The following TMED3 variants were observed in gnomAD, a reference collection of about 807,000 sequenced individuals.
TMED3 encodes the protein transmembrane p24 trafficking protein 3, also known as transmembrane emp24 domain-containing protein 3.
Under a neutral mutation model 15.0 loss-of-function variants are expected in TMED3, and 9 were observed. The ratio of observed to expected loss-of-function variants is 0.60; its 90% confidence interval spans 0.36 to 1.04. The LOEUF (loss-of-function observed/expected upper bound fraction) is 1.04, where lower values mean the gene tolerates loss of function less well. TMED3 is among the 50% of genes least tolerant of loss of function. The probability of loss-of-function intolerance (pLI) is 0.01; values close to 1 mark genes in which losing one functional copy is unlikely to be tolerated. For synonymous variants in TMED3, 117 were observed against 121.4 expected (o/e 0.96, Z 0.24); for missense variants, 267 against 278.9 (o/e 0.96, Z 0.30).
At chr15:79,340,674 CATT>C (rs2058848470) in intron 2 of TMED3, among the ~76,000 whole-genome samples, 1 of 152,184 alleles carries the variant, frequency 6.6e-6, no homozygotes, top group Non-Finnish European at 1.5e-5. Flanking sequence ...GGCATTTTCT[CATT>C]ATGTCAATTA....
At position 79,313,764 on chromosome 15, in the gene TMED3, C is replaced by T; in HGVS notation, c.176C>T (p.Thr59Ile). 1 of 1,613,620 alleles carries T rather than the reference C, an allele frequency of 6.2e-7. No individual in the cohort carries two copies. The highest frequency in any genetic ancestry group is 8.5e-7 in the Non-Finnish European group (1 of 1,179,566). ...VKFSLDYQVI[T>I]GGHYDVDCYV... ...TTTTTTTATGGTTGTCAGGTCATCACTGGAGGCCACTACGATGTTGACTGC... is the reference window on the plus strand; with the variant it reads ...TTTTTTTATGGTTGTCAGGTCATCATTGGAGGCCACTACGATGTTGACTGC... Residue 59 changes from threonine (T) to isoleucine (I), a missense_variant, in exon 2 of 3, where the codon ACT becomes ATT. By Grantham distance (89) the Thr-to-Ile change is moderately conservative. This residue lies in a region of TMED3 where 69 missense variants were observed against 106.8 expected (regional missense o/e 0.65). Transcript: ENST00000299705.
rs768777307 is a variant in TMED3, at chr15:79,313,909, C to T, written c.321C>T (p.Ser107=). 4 of 1,614,216 alleles carry T rather than the reference C, an allele frequency of 2.5e-6. No homozygotes were observed. In the East Asian group the frequency reaches 8.9e-5, roughly 36 times the overall value. The change falls in exon 2 of 3, where the codon TCC becomes TCT. Residue 107 remains serine, a synonymous_variant. Coordinates refer to ENST00000299705, the MANE Select transcript of TMED3 (RefSeq NM_007364.4). ...AGTTTTGCTTCAGTAATGAGTTTTC[C>T]ACCTTCTCTCACAAGACCGTCTACT... ...VYQFCFSNEF[S]TFSHKTVYFD...
chr15:79,355,261 A>G (rs1276593690), intron 2 of TMED3, among the ~76,000 whole-genome samples: 1 of 152,154 alleles, frequency 6.6e-6, no homozygotes, highest in African/African-American at 2.4e-5. Flanking sequence ...TGTATCCAAA[A>G]ACAACATAGC....
intron 1 of TMED3, among the ~76,000 whole-genome samples, chr15:79,312,694 G>A (rs960316707): frequency 8.5e-5 from 13 of 152,152 alleles, no homozygotes; most frequent in Non-Finnish European, 1.8e-4. Context: ...TACAAGGAGA[G>A]TTTGAACTAA....
intron 2 of TMED3, among the ~76,000 whole-genome samples, chr15:79,386,603 G>A (rs996349926): frequency 1.5e-4 from 22 of 151,674 alleles, no homozygotes; most frequent in African/African-American, 5.1e-4. Context: ...GCAGTGGTGC[G>A]ATCTCAGCTC....
chr15:79,321,592 C>T (rs1223368885), intron 2 of TMED3, among the ~76,000 whole-genome samples: 1 of 152,184 alleles, frequency 6.6e-6, no homozygotes, highest in Non-Finnish European at 1.5e-5. Context: ...TTGGGCAATT[C>T]GTGTAGCCTC....
chr15:79,321,442 G>C (rs1567023066), intron 2 of TMED3, among the ~76,000 whole-genome samples: 1 of 152,214 alleles, frequency 6.6e-6, no homozygotes, highest in Non-Finnish European at 1.5e-5. Flanking sequence ...CATACATGAA[G>C]CGTGTGTCTT....
chr15:79,400,459 G>T (rs557537876), intron 2 of TMED3, among the ~76,000 whole-genome samples: 5 of 152,102 alleles, frequency 3.3e-5, no homozygotes, highest in Non-Finnish European at 7.3e-5. Flanking sequence ...CCAATGCCTC[G>T]AACATTGACG....
Position 79,312,294 on chromosome 15 carries a change from G to C in TMED3, c.168+877G>C, listed in dbSNP as rs144586231. 9.3e-4 allele frequency among the ~76,000 whole-genome samples: 141 copies of C among 152,338 alleles called. 1 individual carries two copies. In the East Asian group the frequency reaches 0.026, roughly 28 times the overall value. ...GCTTGCGCTTGGAGACAACTTCTAT[G>C]TGGTAGTCTCAGTCACTGATTTGTC... On this transcript the variant is annotated intron_variant, in intron 1 of 2. Transcript: ENST00000299705.
intron 1 of TMED3, among the ~76,000 whole-genome samples, chr15:79,312,892 G>A (rs1430706034): frequency 3.3e-5 from 5 of 152,204 alleles, no homozygotes; most frequent in African/African-American, 1.2e-4. Flanking sequence ...TTGGAACGGA[G>A]AAGCAGGAGG....
chr15:79,356,163 C>T (rs576472980), intron 2 of TMED3, among the ~76,000 whole-genome samples: 44 of 152,244 alleles, frequency 2.9e-4, no homozygotes, highest in African/African-American at 9.6e-4. Context: ...TATGTGTCCA[C>T]GTGACACTTT....
At chr15:79,392,475 T>G (rs1176976066) in intron 2 of TMED3, among the ~76,000 whole-genome samples, 1 of 152,200 alleles carries the variant, frequency 6.6e-6, no homozygotes, top group African/African-American at 2.4e-5. Flanking sequence ...AGAAATCTGC[T>G]GTTATAGGTT....
intron 2 of TMED3, among the ~76,000 whole-genome samples, chr15:79,337,668 G>A (rs965215997): frequency 3.3e-5 from 5 of 152,138 alleles, no homozygotes; most frequent in Non-Finnish European, 7.3e-5. Context: ...TCACACACTC[G>A]CATCAGCAGG....
rs186849473 is a variant in TMED3 at position 79,340,589 on chromosome 15, C to G, written c.417+26584C>G. 8.9e-4 allele frequency among the ~76,000 whole-genome samples: 135 copies of G among 152,248 alleles called. 3 individuals carry two copies. Among genetic ancestry groups the G allele is most frequent in the Admixed American group, 7.6e-3 (117 of 15,302 alleles). On this transcript the variant is annotated intron_variant, in intron 2 of 2. Coordinates refer to the TMED3 transcript ENST00000424155. ...AGCAAAAGATCACTAATACACCTGG[C>G]GTGTAGTCAACAGTTAATGAATGTT...
At chr15:79,361,707 A>G (rs1893129919) in intron 2 of TMED3, among the ~76,000 whole-genome samples, 1 of 8,574 alleles carries the variant, frequency 1.2e-4, no homozygotes, top group African/African-American at 1.2e-4. Context: ...TTATGGAAAT[A>G]AAAAAATTAA....
intron 2 of TMED3, among the ~76,000 whole-genome samples, chr15:79,345,974 A>G (rs184530053): frequency 6.3e-4 from 95 of 151,888 alleles, no homozygotes; most frequent in African/African-American, 2.1e-3. Flanking sequence ...TGTTTATGTC[A>G]TTTTCCCGCT....
intron 2 of TMED3, among the ~76,000 whole-genome samples, chr15:79,357,264 C>T (rs564807365): frequency 4.0e-5 from 6 of 151,418 alleles, no homozygotes; most frequent in East Asian, 1.9e-4. Context: ...GTGGGAGGAT[C>T]GCTTGATCCC....
Position 79,350,660 on chromosome 15 carries a change from C to T in TMED3, c.417+36655C>T, listed in dbSNP as rs1418644462. The stretch of plus-strand genomic sequence containing the variant: ...GGGTCTGCCTGTCCCAGTTCACAGA[C>T]TCAAATGTTAATCTCCTTTGGCAAC... On this transcript the variant is annotated intron_variant, in intron 2 of 2. Transcript: ENST00000424155. Among the ~76,000 whole-genome samples the T allele has an allele frequency of 2.6e-5, 4 of 152,138 alleles. No homozygotes were observed. The East Asian group carries it at 7.7e-4, about 29-fold the overall frequency.
chr15:79,352,221 GA>G (rs1398275473), intron 2 of TMED3, among the ~76,000 whole-genome samples: 2 of 152,048 alleles, frequency 1.3e-5, no homozygotes, highest in African/African-American at 4.8e-5. Context: ...CTATTGAAAA[GA>G]AACACCCACC....
Sources: allele counts gnomAD v4.1 joint callset (sites outside exome capture counted in the v4.1 genomes callset), GRCh38; gene constraint gnomAD v4.1.1; regional missense constraint gnomAD v4.1.1; transcripts MANE v1.5; gene names NCBI Gene and HGNC (gene_info 2026-07-23, HGNC 2026-07-21).